Variants in RAPGEF2 observed in about 807,000 individuals in gnomAD.
RAPGEF2 encodes the protein PDZ domain containing guanine nucleotide exchange factor (GEF) 1.
Under a neutral mutation model 186.7 loss-of-function variants are expected in RAPGEF2, and 54 were observed. The ratio of observed to expected loss-of-function variants is 0.29; its 90% CI spans 0.23 to 0.36. The LOEUF is 0.36. Among genes scored for constraint, RAPGEF2 ranks in the 10% least tolerant of loss-of-function variants. RAPGEF2 has a pLI of 1.00. For synonymous variants in RAPGEF2, 712 were observed against 705.9 expected, an observed-to-expected ratio of 1.01 and a Z score of -0.14; for missense variants, 1,532 against 2,045.0, an observed-to-expected ratio of 0.75 and a Z score of 4.84.
chr4:159,298,769 C>T (rs1354170662), intron 7 of RAPGEF2, among the ~76,000 whole-genome samples: 1 of 152,182 alleles, frequency 6.6e-6, no homozygotes, highest in Non-Finnish European at 1.5e-5. Flanking sequence ...CCATTGGCAT[C>T]TAGGCTTAGA....
At chr4:159,174,346 GATT>G (rs143089404) in intron 1 of RAPGEF2, among the ~76,000 whole-genome samples, 2,712 of 152,284 alleles carry the variant, frequency 0.018, 25 homozygotes, top group Middle Eastern at 0.071. Flanking sequence ...TGAGAATGCA[GATT>G]ATAGATGATA....
intron 7 of RAPGEF2, among the ~76,000 whole-genome samples, chr4:159,254,978 T>G (rs967370025): frequency 2.0e-5 from 3 of 152,198 alleles, no homozygotes; most frequent in African/African-American, 7.2e-5. Context: ...ACAGTGGTCC[T>G]GTAAGATGAA....
chr4:159,197,270 A>G (rs746612273), intron 3 of RAPGEF2, among the ~76,000 whole-genome samples: 1 of 152,240 alleles, frequency 6.6e-6, no homozygotes, highest in Non-Finnish European at 1.5e-5. Flanking sequence ...GTCTCATAGT[A>G]CACCATGGAA....
At chr4:159,144,427 T>G (rs1742680161) in intron 1 of RAPGEF2, among the ~76,000 whole-genome samples, 1 of 152,226 alleles carries the variant, frequency 6.6e-6, no homozygotes, top group Admixed American at 6.5e-5. Flanking sequence ...TTCCTGTCCT[T>G]TCTGTGGTAT....
At chr4:159,191,650 A>T (rs1748137560) in intron 2 of RAPGEF2, among the ~76,000 whole-genome samples, 1 of 152,028 alleles carries the variant, frequency 6.6e-6, no homozygotes, top group African/African-American at 2.4e-5. Flanking sequence ...GAGGCAGGAG[A>T]ATTGCTTGAA....
intron 7 of RAPGEF2, among the ~76,000 whole-genome samples, chr4:159,265,492 G>A (rs539068907): frequency 3.2e-4 from 49 of 152,296 alleles, no homozygotes; most frequent in African/African-American, 9.4e-4. Flanking sequence ...TATGAAGGAG[G>A]CAAGAGCAGC....
chr4:159,131,524 T>TTTTTTTTTTTTTTTTTTTTTTTTTTTG (rs1741097145), intron 1 of RAPGEF2, among the ~76,000 whole-genome samples: 1 of 147,716 alleles, frequency 6.8e-6, no homozygotes, highest in Non-Finnish European at 1.5e-5. Context: ...TTGCTATTTT[T>TTTTTTTTTTTTTTTTTTTTTTTTTTTG]TTTTTTTTTT....
chr4:159,315,940 G>A (rs1280338733), intron 9 of RAPGEF2, among the ~76,000 whole-genome samples: 1 of 152,140 alleles, frequency 6.6e-6, no homozygotes, highest in Non-Finnish European at 1.5e-5. Context: ...CTAATGTCAG[G>A]CCCTCCACAA....
At chr4:159,214,843 G>GA in intron 4 of RAPGEF2, among the ~76,000 whole-genome samples, 2 of 152,228 alleles carry the variant, frequency 1.3e-5, no homozygotes, top group Middle Eastern at 6.8e-3. Flanking sequence ...TGCAAAAGGA[G>GA]AAAAAACAGT....
At chr4:159,342,928 G>A in intron 20 of RAPGEF2, 51 bp from the exon 21 acceptor site, 1 of 1,467,070 alleles carries the variant, frequency 6.8e-7, no homozygotes. Flanking sequence ...TAAATAATCT[G>A]TACACTATTT....
intron 1 of RAPGEF2, among the ~76,000 whole-genome samples, chr4:159,171,406 G>C (rs1452451280): frequency 1.3e-5 from 2 of 152,134 alleles, no homozygotes; most frequent in Non-Finnish European, 1.5e-5. Flanking sequence ...TGGAGAGACT[G>C]AGCCACAGAG....
chr4:159,299,222 T>C (rs1762367072), intron 7 of RAPGEF2, among the ~76,000 whole-genome samples: 1 of 152,100 alleles, frequency 6.6e-6, no homozygotes, highest in Non-Finnish European at 1.5e-5. Context: ...CCTGGGAAAA[T>C]TGACTAGATT....
intron 17 of RAPGEF2, chr4:159,332,925 A>G (rs1766890592): frequency 3.0e-6 from 1 of 332,014 alleles, no homozygotes; most frequent in African/African-American, 2.1e-5. Context: ...TCCTCATTTG[A>G]ACTATTTTTT....
At chr4:159,287,049 C>T (rs900394897) in intron 7 of RAPGEF2, among the ~76,000 whole-genome samples, 21 of 151,608 alleles carry the variant, frequency 1.4e-4, no homozygotes, top group Non-Finnish European at 1.5e-5. Context: ...ATAAGAAGTA[C>T]AAAAATGCAG....
At chr4:159,238,685 C>T in intron 4 of RAPGEF2, 124 bp from the exon 5 acceptor site, 3 of 532,158 alleles carry the variant, frequency 5.6e-6, no homozygotes, top group Non-Finnish European at 9.2e-6. Flanking sequence ...TCACTTTCTC[C>T]AATGTGTACT....
intron 1 of RAPGEF2, among the ~76,000 whole-genome samples, chr4:159,146,351 A>T (rs1742959519): frequency 6.6e-6 from 1 of 151,610 alleles, no homozygotes; most frequent in Non-Finnish European, 1.5e-5. Context: ...AAAAGCATGT[A>T]AGCTTTTTTC....
chr4:159,162,458 T>C (rs1292841395), intron 1 of RAPGEF2, among the ~76,000 whole-genome samples: 1 of 151,980 alleles, frequency 6.6e-6, no homozygotes, highest in East Asian at 1.9e-4. Flanking sequence ...TAATTGTTCT[T>C]AGAAAATAAT....
chr4:159,251,123 C>T (rs893523082), intron 7 of RAPGEF2, among the ~76,000 whole-genome samples: 40 of 152,234 alleles, frequency 2.6e-4, no homozygotes, highest in Non-Finnish European at 8.8e-5. Context: ...GCCCGCCTGC[C>T]TGCCCGCCCT....
chr4:159,131,519 A>ATTTTTTTTT (rs35670450), intron 1 of RAPGEF2, among the ~76,000 whole-genome samples: 11 of 37,172 alleles, frequency 3.0e-4, no homozygotes, highest in East Asian at 1.4e-3. Flanking sequence ...ATTAATTGCT[A>ATTTTTTTTT]TTTTTTTTTT....
Sources: allele counts gnomAD v4.1 joint callset (sites outside exome capture counted in the v4.1 genomes callset), GRCh38; gene constraint gnomAD v4.1.1; transcripts MANE v1.5; gene names NCBI Gene and HGNC (gene_info 2026-07-23, HGNC 2026-07-21).